TRIP13: variants seen among roughly 807,000 people sequenced by gnomAD.
TRIP13 encodes thyroid hormone receptor interactor 13.
TRIP13 carries 25 observed loss-of-function variants against 54.4 expected under a neutral mutation model. That is an observed-to-expected ratio of 0.46 (90% confidence interval 0.33 to 0.64). The LOEUF (loss-of-function observed/expected upper bound fraction) is 0.64, where lower values mean the gene tolerates loss of function less well. Ranked by LOEUF, TRIP13 falls within the 30% of genes least tolerant of loss-of-function variation. TRIP13 has a pLI of 0.02. For missense variants in TRIP13, 373 were observed against 534.2 expected, an observed-to-expected ratio of 0.70 and a Z score of 2.97; for synonymous variants, 207 against 207.8, an observed-to-expected ratio of 1.00 and a Z score of 0.03.
intron 9 of TRIP13, among the ~76,000 whole-genome samples, chr5:909,099 G>A (rs543996516): frequency 1.3e-5 from 2 of 152,348 alleles, no homozygotes; most frequent in Admixed American, 1.3e-4. Flanking sequence ...ACCAACTAGT[G>A]CTGCTCGTAG....
chr5:908,419 G>A lies in TRIP13; in HGVS notation c.824G>A (p.Arg275His). ...RAGTEPSDAI[R>H]VVNAVLTQID... is the part of the protein sequence containing the mutation. Reference sequence around the variant, plus strand: ...GGCACCGAGCCATCAGATGCCATCCGCGTGGTCAATGCTGTCTTGACCCAA... The same window carrying A: ...GGCACCGAGCCATCAGATGCCATCCACGTGGTCAATGCTGTCTTGACCCAA... The change falls in exon 9 of 13, where the codon CGC becomes CAC. Residue 275 changes from arginine to histidine, a missense_variant. Around this residue, in one of 4 missense-constraint regions of TRIP13, gnomAD observed 119 missense variants for 223.0 expected, o/e 0.53. Transcript: ENST00000166345. This position sits in a 1 kb window ranked among gnomAD's most constrained non-coding sequence, Gnocchi z 5.2. The A allele has an allele frequency of 1.2e-6, 2 of 1,613,700 alleles. No homozygotes were observed. The highest frequency in any genetic ancestry group is 1.7e-6 in the Non-Finnish European group (2 of 1,180,022).
chr5:908,049 C>T lies in TRIP13; in HGVS notation c.734C>T (p.Ala245Val). The T allele has an allele frequency of 6.2e-7, 1 of 1,614,194 alleles. No homozygotes were observed. The highest frequency in any genetic ancestry group is 1.7e-5 in the Admixed American group (1 of 60,034). The part of the protein sequence containing the change: ...KIQDLIDDKD[A>V]LVFVLIDEVE... ...CAGGATTTGATTGATGATAAAGACG[C>T]CCTGGTGTTCGTGCTGATTGATGAG... Residue 245 changes from alanine to valine, a missense_variant, in exon 8 of 13, where the codon GCC becomes GTC. Ala to Val is a moderately conservative substitution (Grantham distance 64). This residue lies in a region of TRIP13 where 119 missense variants were observed against 223.0 expected (regional missense o/e 0.53). Coordinates refer to ENST00000166345, the MANE Select transcript of TRIP13 (RefSeq NM_004237.4). This position sits in a 1 kb window ranked among gnomAD's most constrained non-coding sequence, Gnocchi z 5.2.
chr5:895,066 G>T, intron 2 of TRIP13, 114 bp downstream of exon 2: 1 of 1,216,466 alleles, frequency 8.2e-7, no homozygotes, highest in Non-Finnish European at 1.1e-6. Flanking sequence ...CTTCTCTGTT[G>T]GTTTGGGTGG....
rs1038455429 is a variant in TRIP13, at chr5:908,684, C to T, written c.866+223C>T. 81 of 1,314,508 alleles carry T rather than the reference C, an allele frequency of 6.2e-5. No individual in the cohort carries two copies. The highest frequency in any genetic ancestry group is 2.3e-4 in the South Asian group (15 of 65,544). The allele number at this position is 1,314,508 out of a possible 1,614,324, so 81.4% of individuals were successfully genotyped here. On this transcript the variant is annotated intron_variant, in intron 9 of 12. Transcript: ENST00000166345. This position sits in a 1 kb window ranked among gnomAD's most constrained non-coding sequence, Gnocchi z 5.2. ...GTTAAAAATGTAATAGAAGGCCAGGCGCGGTGGCTCACACCTGTAATCCCA... is the reference window on the plus strand; with the variant it reads ...GTTAAAAATGTAATAGAAGGCCAGGTGCGGTGGCTCACACCTGTAATCCCA...
At chr5:902,382 G>A (rs1473645022) in intron 5 of TRIP13, among the ~76,000 whole-genome samples, 1 of 152,150 alleles carries the variant, frequency 6.6e-6, no homozygotes, top group East Asian at 1.9e-4. Flanking sequence ...GACAGGCCCC[G>A]CATACTGCCC....
intron 5 of TRIP13, among the ~76,000 whole-genome samples, chr5:903,356 ATC>A (rs1754037775): frequency 6.6e-6 from 1 of 151,944 alleles, no homozygotes; most frequent in Non-Finnish European, 1.5e-5. Context: ...CTCAGCTCCT[ATC>A]TCTGTATGGC....
At position 908,227 on chromosome 5, in the gene TRIP13, A is replaced by G. The variant is rs748698960; in HGVS notation, c.760-128A>G. 2.9e-6 allele frequency: 4 copies of G among 1,399,354 alleles called. No homozygotes were observed. Among genetic ancestry groups the G allele is most frequent in the Non-Finnish European group, 4.0e-6 (4 of 1,001,152 alleles). 86.7% of individuals were successfully genotyped at this position (1,399,354 alleles called of 1,614,324 possible). Reference sequence around the variant, plus strand: ...GTGCGCCTTTCCACCTTGCCGCAGCATCCGCAGGCTAGGCACGGGAACACC... The same window carrying G: ...GTGCGCCTTTCCACCTTGCCGCAGCGTCCGCAGGCTAGGCACGGGAACACC... On this transcript the variant is annotated intron_variant, in intron 8 of 12. Coordinates refer to ENST00000166345, the MANE Select transcript of TRIP13 (RefSeq NM_004237.4). This position sits in a 1 kb window ranked among gnomAD's most constrained non-coding sequence, Gnocchi z 5.2.
intron 2 of TRIP13, 24 bp downstream of exon 2, chr5:894,976 A>G: frequency 3.2e-6 from 5 of 1,581,398 alleles, no homozygotes; most frequent in Non-Finnish European, 4.3e-6. Context: ...TTGCTGGGCC[A>G]AGGAACAGTT....
chr5:918,195 T>TG (rs1754373611), downstream of TRIP13: 1 of 152,230 alleles, frequency 6.6e-6, no homozygotes, highest in African/African-American at 2.4e-5. This position sits in a 1 kb window ranked among gnomAD's most constrained non-coding sequence, Gnocchi z 4.3. Flanking sequence ...AAGGTGCCAG[T>TG]GGCCCAGGTG....
chr5:904,689 T>C (rs1754070318), intron 6 of TRIP13, among the ~76,000 whole-genome samples: 1 of 152,208 alleles, frequency 6.6e-6, no homozygotes, highest in Non-Finnish European at 1.5e-5. Flanking sequence ...ATTTTTTTTT[T>C]CAGTTCTTTA....
intron 5 of TRIP13, among the ~76,000 whole-genome samples, chr5:902,862 C>T (rs1236062805): frequency 6.6e-6 from 1 of 152,180 alleles, no homozygotes; most frequent in Non-Finnish European, 1.5e-5. Flanking sequence ...CCCTTCCCTG[C>T]CTGGCAGCTG....
rs1360919599 is a variant in TRIP13, at chr5:907,107, T to C, written c.609-23T>C. 1.2e-6 allele frequency: 2 copies of C among 1,611,568 alleles called. No homozygotes were observed. The highest frequency in any genetic ancestry group is 1.7e-6 in the Non-Finnish European group (2 of 1,177,926). On this transcript the variant is annotated intron_variant, in intron 6 of 12. Transcript: ENST00000166345. The surrounding 1 kb of genome is among the most constrained non-coding windows in gnomAD (Gnocchi z 4.1). ...TCCACAGGACCAGTTAGTAATTCTCTCAACTCCTTTTTTCTATCTCAGGTA... is the reference window on the plus strand; with the variant it reads ...TCCACAGGACCAGTTAGTAATTCTCCCAACTCCTTTTTTCTATCTCAGGTA...
chr5:917,255 A>T lies in TRIP13; in HGVS notation c.*152A>T, dbSNP rs935374946. On this transcript the variant is annotated 3_prime_UTR_variant, in exon 13 of 13. Coordinates refer to ENST00000166345, the MANE Select transcript of TRIP13 (RefSeq NM_004237.4). ...AAAGCCACCAAGGCCAGGCTTTGTT[A>T]AAAGAAGTGTATTCTATTTATGTTG... The T allele has an allele frequency of 9.5e-6, 6 of 634,356 alleles. No homozygotes were observed. The highest frequency in any genetic ancestry group is 3.0e-5 in the Admixed American group (1 of 33,462). The allele number at this position is 634,356 out of a possible 1,614,324, so 39.3% of individuals were successfully genotyped here.
At chr5:909,563 C>T (rs1467933313) in intron 9 of TRIP13, among the ~76,000 whole-genome samples, 1 of 151,964 alleles carries the variant, frequency 6.6e-6, no homozygotes, top group Non-Finnish European at 1.5e-5. Flanking sequence ...TCGGGGAGAC[C>T]CTAACCCAGC....
At chr5:904,029 A>G in intron 5 of TRIP13, 119 bp from the exon 6 acceptor site, 1 of 857,302 alleles carries the variant, frequency 1.2e-6, no homozygotes, top group South Asian at 1.9e-5. Context: ...TTGTAGTAAT[A>G]ACATTAATAG....
chr5:915,851 G>A lies in TRIP13; in HGVS notation c.1134-53G>A. ...TCGGCCAATGAGGAAAATTAGTCCT[G>A]AAACGTGTGATTGTATAAATTGCTG... On this transcript the variant is annotated intron_variant, in intron 11 of 12. Coordinates refer to ENST00000166345, the MANE Select transcript of TRIP13 (RefSeq NM_004237.4). The surrounding 1 kb of genome is among the most constrained non-coding windows in gnomAD (Gnocchi z 4.2). 1 of 1,599,052 alleles carries A rather than the reference G, an allele frequency of 6.3e-7. No homozygotes were observed. Among genetic ancestry groups the A allele is most frequent in the East Asian group, 2.2e-5 (1 of 44,818 alleles).
chr5:902,837 C>T lies in TRIP13; in HGVS notation c.536-1311C>T, dbSNP rs150646269. Among the ~76,000 whole-genome samples, 36 of 152,322 alleles carry T rather than the reference C, an allele frequency of 2.4e-4. 1 individual carries two copies. The East Asian group carries it at 6.6e-3, about 28-fold the overall frequency. On this transcript the variant is annotated intron_variant, in intron 5 of 12. Coordinates refer to ENST00000166345, the MANE Select transcript of TRIP13 (RefSeq NM_004237.4). ...AGGTAAGGTCACGTGGGTCACGTGT[C>T]CACTGGACAGGGGACCCTTCCCTGC...
intron 1 of TRIP13, among the ~76,000 whole-genome samples, chr5:893,902 G>A (rs147909503): frequency 8.5e-5 from 13 of 152,214 alleles, no homozygotes; most frequent in African/African-American, 1.7e-4. Flanking sequence ...ACACCTTAGC[G>A]CTCAGAGACA....
chr5:905,440 C>T (rs1580055518), intron 6 of TRIP13, among the ~76,000 whole-genome samples: 5 of 152,346 alleles, frequency 3.3e-5, no homozygotes, highest in Admixed American at 3.3e-4. Context: ...CTTCATATTT[C>T]CTTCCCCTCT....
Sources: gnomAD v4.1 joint callset for allele counts (sites outside exome capture counted in the v4.1 genomes callset) on GRCh38, gnomAD v4.1.1 for gene constraint, gnomAD v4.1.1 regional missense constraint, Gnocchi (gnomAD v3.1) non-coding constraint, MANE v1.5 for transcripts, NCBI Gene and HGNC (gene_info 2026-07-23, HGNC 2026-07-21) for gene names.